PLXNA1: variants seen among roughly 807,000 people sequenced by gnomAD.
PLXNA1 encodes plexin-A1.
In PLXNA1, 77 loss-of-function variants were observed where a neutral mutation model predicts 191.7. The ratio of observed to expected loss-of-function variants is 0.40; its 90% confidence interval spans 0.33 to 0.49. The LOEUF is 0.49. PLXNA1 is among the 20% of genes least tolerant of loss of function. The pLI is 0.63. For missense variants in PLXNA1, 2,110 were observed against 2,660.2 expected (o/e 0.79, Z 4.55); for synonymous variants, 1,137 against 1,156.4 (o/e 0.98, Z 0.34).
At chr3:127,007,004 A>G (rs528214870) in intron 8 of PLXNA1, among the ~76,000 whole-genome samples, 1 of 152,326 alleles carries the variant, frequency 6.6e-6, no homozygotes, top group East Asian at 1.9e-4. Flanking sequence ...GGACTCTGTC[A>G]CAGCTCTTTG....
At chr3:126,999,623 G>T (rs962042433) in intron 3 of PLXNA1, among the ~76,000 whole-genome samples, 3 of 152,224 alleles carry the variant, frequency 2.0e-5, no homozygotes, top group African/African-American at 4.8e-5. Context: ...GCTCTGGGCG[G>T]GATGGACAGC....
At chr3:127,018,031 C>CT in intron 19 of PLXNA1, 139 bp downstream of exon 19, 1 of 1,227,714 alleles carries the variant, frequency 8.1e-7, no homozygotes, top group Non-Finnish European at 1.1e-6. Flanking sequence ...AGTGCAGGCC[C>CT]TGCCGTAGCC....
At chr3:126,983,336 C>A (rs1232598984) in intron 1 of PLXNA1, among the ~76,000 whole-genome samples, 49 bp downstream of exon 1, 1 of 144,378 alleles carries the variant, frequency 6.9e-6, no homozygotes, top group African/African-American at 2.5e-5. Flanking sequence ...TGGGCGGGGG[C>A]CGGGCCGGGC....
chr3:126,995,956 C>CA (rs2079013142), intron 3 of PLXNA1, among the ~76,000 whole-genome samples: 1 of 152,190 alleles, frequency 6.6e-6, no homozygotes, highest in Admixed American at 6.5e-5. Flanking sequence ...ACAGAGGCTG[C>CA]AGCTGCAGTT....
In PLXNA1 at chr3:127,029,544, G is replaced by T. The variant is rs767665087; in HGVS notation, c.4870+8G>T. The T allele has an allele frequency of 2.5e-6, 4 of 1,612,492 alleles. No individual in the cohort carries two copies. In the South Asian group the frequency reaches 4.4e-5, roughly 18 times the overall value. On this transcript the variant is annotated splice_region_variant and intron_variant, in intron 27 of 31. Transcript: ENST00000393409. The stretch of plus-strand genomic sequence containing the variant: ...AGTCCCTCAGCAGATACGGTGAGGG[G>T]CCAGGCAGCGGGCGAGAGGGCAGCG...
intron 3 of PLXNA1, among the ~76,000 whole-genome samples, chr3:126,999,801 G>A (rs2079031154): frequency 6.6e-6 from 1 of 152,168 alleles, no homozygotes; most frequent in African/African-American, 2.4e-5. Context: ...CTGTGGGGAG[G>A]GTCAGATGAG....
In PLXNA1 at chr3:126,989,119, G is replaced by C; in HGVS notation, c.526G>C (p.Gly176Arg). 1 of 1,613,016 alleles carries C rather than the reference G, an allele frequency of 6.2e-7. No homozygotes were observed. The highest frequency in any genetic ancestry group is 8.5e-7 in the Non-Finnish European group (1 of 1,179,972). Residue 176 changes from glycine to arginine, a missense_variant, in exon 2 of 32, where the codon GGG (glycine) becomes CGG (arginine). Gly to Arg is a moderately radical substitution (Grantham distance 125, BLOSUM62 -2). Around this residue, in one of 4 missense-constraint regions of PLXNA1, gnomAD observed 903 missense variants for 1,015.7 expected, o/e 0.89. Transcript: ENST00000393409. The part of the protein sequence containing the change: ...AGSMAGVLIA[G>R]PPGQGQAKLF... ...CAGCATGGCGGGCGTGCTCATTGCC[G>C]GGCCACCGGGCCAGGGCCAGGCCAA...
intron 9 of PLXNA1, 21 bp from the exon 10 acceptor site, chr3:127,011,937 C>G (rs777117990): frequency 1.2e-6 from 2 of 1,605,626 alleles, no homozygotes; most frequent in Non-Finnish European, 1.7e-6. Context: ...CCGGGCTCAG[C>G]CAAACTCTTC....
chr3:127,033,055 A>G (rs1470240033), intron 31 of PLXNA1, among the ~76,000 whole-genome samples: 1 of 152,174 alleles, frequency 6.6e-6, no homozygotes, highest in Non-Finnish European at 1.5e-5. Context: ...GTGTGCAGCC[A>G]TGTGGGGTCA....
intron 7 of PLXNA1, 51 bp from the exon 8 acceptor site, chr3:127,006,028 T>G: frequency 7.1e-7 from 1 of 1,405,276 alleles, no homozygotes; most frequent in Non-Finnish European, 1.0e-6. Flanking sequence ...TTGCCCTGTG[T>G]GGGAGTCCTG....
chr3:127,010,262 G>A (rs2079089173), intron 9 of PLXNA1, among the ~76,000 whole-genome samples: 1 of 152,220 alleles, frequency 6.6e-6, no homozygotes, highest in African/African-American at 2.4e-5. Flanking sequence ...CTGGGGAAGA[G>A]GCTGTAATCA....
At chr3:127,013,958 TGAGGCTTGG>T in intron 10 of PLXNA1, 53 bp from the exon 11 acceptor site, 1 of 1,479,162 alleles carries the variant, frequency 6.8e-7, no homozygotes, top group Non-Finnish European at 9.4e-7. Context: ...TTTGTGGGCG[TGAGGCTTGG>T]GAGGCCTGGA....
intron 8 of PLXNA1, 99 bp from the exon 9 acceptor site, chr3:127,007,700 C>G: frequency 1.4e-6 from 1 of 723,772 alleles, no homozygotes; most frequent in South Asian, 1.8e-5. Flanking sequence ...TGAGGTGGCA[C>G]TATGAATACC....
At chr3:126,995,309 C>T (rs979516071) in intron 3 of PLXNA1, among the ~76,000 whole-genome samples, 1 of 152,178 alleles carries the variant, frequency 6.6e-6, no homozygotes, top group Admixed American at 6.5e-5. Flanking sequence ...CCAGCTCCTC[C>T]CGTGGCCTCT....
intron 16 of PLXNA1, 119 bp downstream of exon 16, chr3:127,016,803 G>A: frequency 1.4e-6 from 2 of 1,393,878 alleles, no homozygotes; most frequent in Middle Eastern, 1.8e-4. Flanking sequence ...ATCCTGCCGG[G>A]AAGCACCCCT....
rs976978537 is a variant in PLXNA1, at chr3:127,015,066, A to C, written c.2878-118A>C. On this transcript the variant is annotated intron_variant, in intron 14 of 31. Transcript: ENST00000393409. ...TGGCTCTGAAGTGCAGCTCCCGGGC[A>C]TGCGGGCTCCTAGTCTGGGGAACTG... is the stretch of plus-strand genomic sequence containing the variant. 3.2e-5 allele frequency: 46 copies of C among 1,438,684 alleles called. No homozygotes were observed. The Admixed American group carries it at 1.0e-3, about 32-fold the overall frequency. 89.1% of individuals were successfully genotyped at this position (1,438,684 alleles called of 1,614,324 possible).
intron 10 of PLXNA1, among the ~76,000 whole-genome samples, chr3:127,013,022 G>A (rs1051029233): frequency 6.6e-6 from 1 of 152,204 alleles, no homozygotes; most frequent in Admixed American, 6.5e-5. Context: ...GCCTTGATGG[G>A]GTCAGAGGTC....
chr3:127,029,231 A>G (rs911113279), intron 26 of PLXNA1, 135 bp downstream of exon 26: 52 of 821,360 alleles, frequency 6.3e-5, no homozygotes, highest in Admixed American at 3.7e-4. Flanking sequence ...GTGGTCACTT[A>G]TGTGTGTGGA....
Position 127,017,480 on chromosome 3 carries a change from A to T in PLXNA1, c.3332A>T (p.Asn1111Ile). The T allele has an allele frequency of 6.2e-7, 1 of 1,613,410 alleles. No individual in the cohort carries two copies. Among genetic ancestry groups the T allele is most frequent in the Non-Finnish European group, 8.5e-7 (1 of 1,179,986 alleles). ...TMVCRAPSVA[N>I]PVRSPPELGE... Reference sequence around the variant, plus strand: ...GTATGCCGCGCCCCGTCTGTGGCCAACCCTGTGCGCAGCCCACCAGAGCTG... The same window carrying T: ...GTATGCCGCGCCCCGTCTGTGGCCATCCCTGTGCGCAGCCCACCAGAGCTG... Residue 1111 changes from asparagine (N) to isoleucine (I), a missense_variant, in exon 18 of 32, where the codon AAC becomes ATC. Transcript: ENST00000393409.
Sources: gnomAD v4.1 joint callset for allele counts (sites outside exome capture counted in the v4.1 genomes callset) on GRCh38, gnomAD v4.1.1 for gene constraint, gnomAD v4.1.1 regional missense constraint, MANE v1.5 for transcripts, NCBI Gene and HGNC (gene_info 2026-07-23, HGNC 2026-07-21) for gene names.